The following CLIC5 variants were observed in gnomAD, a reference collection of about 807,000 sequenced individuals.
CLIC5 encodes the protein CLIC family member 5, also known as chloride intracellular channel protein 5.
CLIC5 carries 20 observed loss-of-function variants against 24.7 expected under a neutral mutation model. The ratio of observed to expected loss-of-function variants is 0.81; its 90% CI spans 0.57 to 1.18. CLIC5 has a LOEUF of 1.18. CLIC5 is among the 50% of genes most tolerant of loss of function. CLIC5 has a pLI of 0.00. For missense variants in CLIC5, 341 were observed against 326.1 expected (o/e 1.05, Z -0.35); for synonymous variants, 159 against 135.6 (o/e 1.17, Z -1.20).
chr6:45,963,109 C>A (rs1307410650), intron 1 of CLIC5, among the ~76,000 whole-genome samples: 1 of 152,216 alleles, frequency 6.6e-6, no homozygotes, highest in Non-Finnish European at 1.5e-5. Context: ...AAACCTCTTG[C>A]CAGCCTTTCT....
chr6:46,014,236 T>C (rs1766911173), intron 1 of CLIC5: 1 of 152,210 alleles, frequency 6.6e-6, no homozygotes, highest in Admixed American at 6.5e-5. Context: ...ACGTACCAAG[T>C]GTAAAGTAAG....
intron 1 of CLIC5, among the ~76,000 whole-genome samples, chr6:46,034,117 T>C (rs941577738): frequency 1.3e-5 from 2 of 152,228 alleles, no homozygotes; most frequent in Non-Finnish European, 2.9e-5. Context: ...GAAGTTCAAA[T>C]TTGCCGTGGG....
chr6:46,049,388 G>T (rs1768042636), intron 1 of CLIC5, among the ~76,000 whole-genome samples: 1 of 152,158 alleles, frequency 6.6e-6, no homozygotes, highest in African/African-American at 2.4e-5. Context: ...GCTTCTACAA[G>T]AAATTAATCC....
chr6:46,013,367 G>A (rs1225372908), intron 1 of CLIC5, among the ~76,000 whole-genome samples: 1 of 152,228 alleles, frequency 6.6e-6, no homozygotes, highest in Non-Finnish European at 1.5e-5. Flanking sequence ...CACAGTTCAA[G>A]TAAGGCCTGG....
At chr6:46,034,709 G>T (rs887254594) in intron 1 of CLIC5, among the ~76,000 whole-genome samples, 1 of 152,210 alleles carries the variant, frequency 6.6e-6, no homozygotes, top group Non-Finnish European at 1.5e-5. Flanking sequence ...GGACAGTTCC[G>T]TGTAAGCTTG....
chr6:45,920,771 A>G, intron 4 of CLIC5: 1 of 400,626 alleles, frequency 2.5e-6, no homozygotes, highest in Non-Finnish European at 3.4e-6. Flanking sequence ...TAGGAGCCCC[A>G]GCAGGGCCCA....
chr6:45,935,936 C>A (rs1271472587), intron 4 of CLIC5, among the ~76,000 whole-genome samples: 1 of 152,220 alleles, frequency 6.6e-6, no homozygotes, highest in Admixed American at 6.5e-5. Flanking sequence ...TCTTTTAAAA[C>A]AACAACAACA....
Position 46,074,619 on chromosome 6 carries a change from C to T in CLIC5, c.540+5084G>A, listed in dbSNP as rs556781687. Among the ~76,000 whole-genome samples the T allele has an allele frequency of 9.8e-4, 150 of 152,308 alleles. 1 individual carries two copies. The highest frequency in any genetic ancestry group is 2.8e-3 in the African/African-American group (118 of 41,568). On this transcript the variant is annotated intron_variant, in intron 1 of 5. Coordinates refer to the CLIC5 transcript ENST00000185206. Reference sequence around the variant, plus strand: ...GTTCTATCAGAGATAGGCTCTGAAGCTGCAGATACTTTCCAAGGGACAGGC... The same window carrying T: ...GTTCTATCAGAGATAGGCTCTGAAGTTGCAGATACTTTCCAAGGGACAGGC...
At chr6:45,973,415 C>G (rs1364806074) in intron 1 of CLIC5, among the ~76,000 whole-genome samples, 1 of 152,174 alleles carries the variant, frequency 6.6e-6, no homozygotes, top group Non-Finnish European at 1.5e-5. Context: ...GCAGCTAACT[C>G]TTTCTTTTCA....
chr6:46,113,535 G>A, the CLIC5 span, among the ~76,000 whole-genome samples: 1 of 152,112 alleles, frequency 6.6e-6, no homozygotes, highest in African/African-American at 2.4e-5. Context: ...TAAGTGATGT[G>A]AGCAGTTATA....
At chr6:45,921,830 G>A (rs1285908514) in intron 4 of CLIC5, among the ~76,000 whole-genome samples, 1 of 152,148 alleles carries the variant, frequency 6.6e-6, no homozygotes, top group Non-Finnish European at 1.5e-5. Flanking sequence ...CATTTTCTTA[G>A]TTTGACAGTT....
intron 1 of CLIC5, among the ~76,000 whole-genome samples, chr6:45,961,714 C>T (rs1764848000): frequency 6.6e-6 from 1 of 151,948 alleles, no homozygotes; most frequent in African/African-American, 2.4e-5. Flanking sequence ...CTTCAATTAG[C>T]AGGGATGGGA....
At chr6:46,126,210 T>C in the CLIC5 span, among the ~76,000 whole-genome samples, 1 of 152,150 alleles carries the variant, frequency 6.6e-6, no homozygotes, top group Non-Finnish European at 1.5e-5. Context: ...GGTGGGTTTG[T>C]CTCTTGGAGG....
At chr6:46,068,754 C>G (rs894876715) in intron 1 of CLIC5, among the ~76,000 whole-genome samples, 7 of 152,034 alleles carry the variant, frequency 4.6e-5, no homozygotes, top group African/African-American at 1.7e-4. Context: ...CAAACATGCA[C>G]AGGGGGAAGA....
At chr6:46,075,754 T>C (rs1762749241) in intron 1 of CLIC5, among the ~76,000 whole-genome samples, 2 of 152,306 alleles carry the variant, frequency 1.3e-5, no homozygotes, top group Admixed American at 6.5e-5. Context: ...GAATGCTTTT[T>C]TCTCTCTCCA....
chr6:46,091,107 C>A, the CLIC5 span, among the ~76,000 whole-genome samples: 1 of 152,196 alleles, frequency 6.6e-6, no homozygotes, highest in African/African-American at 2.4e-5. Flanking sequence ...CACACATCTT[C>A]TTTGAGCGAT....
rs563738925 is a variant in CLIC5 at position 45,938,521 on chromosome 6, G to T, written c.406+3026C>A. On this transcript the variant is annotated intron_variant, in intron 4 of 5. Transcript: ENST00000339561. ...ATCTGGGGACAGGCTCTTTGGGAAA[G>T]CAGCAATGTTGGAGCTTTGAAATGT... Among the ~76,000 whole-genome samples, 5 of 152,314 alleles carry T rather than the reference G, an allele frequency of 3.3e-5. No homozygotes were observed. The South Asian group carries it at 8.3e-4, about 25-fold the overall frequency.
At chr6:46,069,122 G>T (rs1762518982) in intron 1 of CLIC5, among the ~76,000 whole-genome samples, 1 of 152,150 alleles carries the variant, frequency 6.6e-6, no homozygotes. Context: ...CATGAAGTGT[G>T]CAGGGAAGTA....
the CLIC5 span, among the ~76,000 whole-genome samples, chr6:46,100,437 A>C: frequency 6.6e-6 from 1 of 152,146 alleles, no homozygotes; most frequent in Non-Finnish European, 1.5e-5. Context: ...GGCTGCTTGC[A>C]CCTTGGTGGG....
Sources: gnomAD v4.1 joint callset for allele counts (sites outside exome capture counted in the v4.1 genomes callset) on GRCh38, gnomAD v4.1.1 for gene constraint, MANE v1.5 for transcripts, NCBI Gene and HGNC (gene_info 2026-07-23, HGNC 2026-07-21) for gene names.